Variants in ACR observed in about 807,000 individuals in gnomAD.
ACR encodes the protein acrosin.
ACR carries 17 observed loss-of-function variants against 26.0 expected under a neutral mutation model. The observed-to-expected ratio is 0.65, with a 90% CI of 0.45 to 0.98. The LOEUF (loss-of-function observed/expected upper bound fraction) is 0.98, where lower values mean the gene tolerates loss of function less well. Ranked by LOEUF, ACR falls within the 50% of genes least tolerant of loss-of-function variation. The pLI is 0.00. For synonymous variants in ACR, 199 were observed against 207.7 expected, an observed-to-expected ratio of 0.96 and a Z score of 0.36; for missense variants, 435 against 519.3, an observed-to-expected ratio of 0.84 and a Z score of 1.58.
At chr22:50,741,792 C>G (rs1170186512) in intron 3 of ACR, among the ~76,000 whole-genome samples, 3 of 150,968 alleles carry the variant, frequency 2.0e-5, no homozygotes, top group Admixed American at 2.0e-4. Context: ...GCTTCTTTCC[C>G]ATTGGGTTTT....
In ACR at chr22:50,739,436, A is replaced by G. The variant is rs114634361; in HGVS notation, c.243A>G (p.Arg81=). ...GTGGAGGCAGCTTGCTGAATTCACG[A>G]TGGGTGCTCACTGCTGCTCACTGCT... ...HTCGGSLLNS[R]WVLTAAHCFV... is the part of the protein sequence containing the mutation. Residue 81 remains arginine (R), a synonymous_variant, in exon 2 of 5, where the codon CGA becomes CGG. Coordinates refer to ENST00000216139, the MANE Select transcript of ACR (RefSeq NM_001097.3). The surrounding 1 kb of genome is among the most constrained non-coding windows in gnomAD (Gnocchi z 5.5). The G allele has an allele frequency of 8.7e-6, 14 of 1,614,196 alleles. No individual in the cohort carries two copies. The East Asian group carries it at 1.1e-4, about 13-fold the overall frequency.
chr22:50,743,096 C>CAT lies in ACR; in HGVS notation c.566-965_566-964insAT, dbSNP rs1221851675. ...TGTGGCCCGGGCTGGAGTGCAGTGG[C>CAT]GCCATCTCGGCTCACTGCAAGCTCC... is the stretch of plus-strand genomic sequence containing the variant. On this transcript the variant is annotated intron_variant, in intron 3 of 4. Transcript: ENST00000216139. Among the ~76,000 whole-genome samples the CAT allele has an allele frequency of 9.3e-4, 141 of 151,656 alleles. 1 individual carries two copies. Among genetic ancestry groups the CAT allele is most frequent in the Non-Finnish European group, 1.8e-3 (122 of 67,758 alleles).
chr22:50,740,139 A>G (rs1298916826), intron 3 of ACR, 162 bp downstream of exon 3: 3 of 911,860 alleles, frequency 3.3e-6, no homozygotes, highest in Non-Finnish European at 5.2e-6. Context: ...CCCCTGTGCC[A>G]GGTCACGTGA....
intron 3 of ACR, chr22:50,740,713 C>T: frequency 1.4e-6 from 1 of 702,524 alleles, no homozygotes. Flanking sequence ...TCTCTCTCTC[C>T]CCTGGCTCCC....
Position 50,740,702 on chromosome 22 carries a change from G to T in ACR, c.565+725G>T, listed in dbSNP as rs1204758670. On this transcript the variant is annotated intron_variant, in intron 3 of 4. Coordinates refer to ENST00000216139, the MANE Select transcript of ACR (RefSeq NM_001097.3). ...CTAGAGCTCTGTCCATAACCAAGCT[G>T]TCTCTCTCTCCCCTGGCTCCCAGAA... The T allele has an allele frequency of 4.3e-6, 3 of 702,514 alleles. No homozygotes were observed. In the South Asian group the frequency reaches 4.4e-5, roughly 10 times the overall value. 43.5% of individuals were successfully genotyped at this position (702,514 alleles called of 1,614,324 possible).
chr22:50,744,744 G>A lies in ACR; in HGVS notation c.803G>A (p.Arg268His), dbSNP rs756276159. The A allele has an allele frequency of 3.7e-6, 6 of 1,607,700 alleles. No individual in the cohort carries two copies. The highest frequency in any genetic ancestry group is 1.1e-5 in the South Asian group (1 of 90,676). Residue 268 changes from arginine (R) to histidine (H), a missense_variant, in exon 5 of 5, where the codon CGT (arginine) becomes CAT (histidine). This residue lies in a region of ACR where 314 missense variants were observed against 372.0 expected (regional missense o/e 0.84). Transcript: ENST00000216139. ...GITSWGVGCA[R>H]AKRPGIYTAT... ...ACAAGCTGGGGGGTAGGCTGTGCCC[G>A]TGCCAAGCGCCCCGGAATCTACACG...
At chr22:50,741,314 G>A (rs2083423871) in intron 3 of ACR, among the ~76,000 whole-genome samples, 1 of 152,060 alleles carries the variant, frequency 6.6e-6, no homozygotes, top group Admixed American at 6.5e-5. Context: ...CTTGACACGT[G>A]GCCATCCCCT....
intron 4 of ACR, chr22:50,744,429 G>A (rs1297477607): frequency 3.0e-5 from 20 of 673,378 alleles, no homozygotes; most frequent in South Asian, 9.8e-5. Flanking sequence ...CTGTGGACAC[G>A]TGGGTTTGCT....
At chr22:50,743,259 A>C (rs9616955) in intron 3 of ACR, among the ~76,000 whole-genome samples, 3 of 151,334 alleles carry the variant, frequency 2.0e-5, no homozygotes, top group Admixed American at 6.6e-5. Flanking sequence ...ATGGTCTCGA[A>C]CTCCTGACCT....
intron 3 of ACR, 129 bp from the exon 4 acceptor site, chr22:50,743,932 C>G (rs945364207): frequency 3.9e-6 from 3 of 771,544 alleles, no homozygotes; most frequent in African/African-American, 3.5e-5. Flanking sequence ...AAGGAGGGGT[C>G]GGGGCATCGA....
chr22:50,739,529 G>T lies in ACR; in HGVS notation c.281+55G>T, dbSNP rs531697145. ...TTCAGAACGGCTCTTCTCAGAGAGGGGCGTTCCCCGGGGATGCTGTGCAGC... is the reference window on the plus strand; with the variant it reads ...TTCAGAACGGCTCTTCTCAGAGAGGTGCGTTCCCCGGGGATGCTGTGCAGC... On this transcript the variant is annotated intron_variant, in intron 2 of 4. Coordinates refer to ENST00000216139, the MANE Select transcript of ACR (RefSeq NM_001097.3). The surrounding 1 kb of genome is among the most constrained non-coding windows in gnomAD (Gnocchi z 5.5). 2,891 of 1,604,340 alleles carry T rather than the reference G, an allele frequency of 1.8e-3. 38 individuals carry two copies. The highest frequency in any genetic ancestry group is 0.015 in the South Asian group (1,352 of 90,548).
intron 3 of ACR, among the ~76,000 whole-genome samples, chr22:50,741,453 T>G (rs1024316823): frequency 4.6e-5 from 7 of 151,924 alleles, no homozygotes; most frequent in African/African-American, 1.7e-4. Context: ...TGGGGGTCCC[T>G]ATGTTCCTGG....
At chr22:50,738,903 A>G (rs1196484980) in intron 1 of ACR, among the ~76,000 whole-genome samples, 2 of 151,768 alleles carry the variant, frequency 1.3e-5, no homozygotes, top group East Asian at 3.9e-4. Flanking sequence ...TCTCCCACCC[A>G]AGATTGGTTA....
At chr22:50,740,690 C>T (rs2083421339) in intron 3 of ACR, 2 of 702,556 alleles carry the variant, frequency 2.8e-6, no homozygotes, top group Admixed American at 2.0e-5. Flanking sequence ...GAGCTCTGTC[C>T]ATAACCAAGC....
Position 50,744,211 on chromosome 22 carries a change from C to T in ACR, c.711+5C>T. 1 of 1,611,602 alleles carries T rather than the reference C, an allele frequency of 6.2e-7. No homozygotes were observed. The highest frequency in any genetic ancestry group is 8.5e-7 in the Non-Finnish European group (1 of 1,178,084). ...GGCAAGATCGACACCTGCCAGGTAA[C>T]CTTCCTTCTGGCTTCTGGGCCCCTG... On this transcript the variant is annotated splice_donor_5th_base_variant and intron_variant, in intron 4 of 4. Coordinates refer to ENST00000216139, the MANE Select transcript of ACR (RefSeq NM_001097.3).
chr22:50,743,065 T>C (rs2146855746), intron 3 of ACR, among the ~76,000 whole-genome samples: 1 of 152,110 alleles, frequency 6.6e-6, no homozygotes, highest in Middle Eastern at 3.4e-3. Context: ...AGACGGAGTC[T>C]CGCTCTGTGG....
rs1053953127 is a variant in ACR at position 50,745,315 on chromosome 22, G to T, written c.*108G>T. On this transcript the variant is annotated 3_prime_UTR_variant, in exon 5 of 5. Coordinates refer to ENST00000216139, the MANE Select transcript of ACR (RefSeq NM_001097.3). ...TATAGATATACACACACACATATCT[G>T]TATGTATACATGCATATACATCAAG... The T allele has an allele frequency of 5.7e-6, 7 of 1,227,604 alleles. No individual in the cohort carries two copies. In the Admixed American group the frequency reaches 7.9e-5, roughly 14 times the overall value. The allele number at this position is 1,227,604 out of a possible 1,614,324, so 76.0% of individuals were successfully genotyped here.
In ACR at chr22:50,738,311, G is replaced by GA. The variant is rs753952686; in HGVS notation, c.77dup (p.Asp26GlufsTer70). 1.4e-5 allele frequency: 22 copies of GA among 1,613,852 alleles called. No homozygotes were observed. The Admixed American group carries it at 2.3e-4, about 17-fold the overall frequency. The stretch of plus-strand genomic sequence containing the variant: ...GGTTGCTAAAGATAACGCCACGTGT[G>GA]AGTAAGTGTCGGGGCACCTTGGTGG... On this transcript the variant is annotated frameshift_variant and splice_region_variant, in exon 1 of 5. Transcript: ENST00000216139. LOFTEE classifies it high-confidence loss of function.
Position 50,744,855 on chromosome 22 carries a change from C to G in ACR, c.914C>G (p.Pro305Arg), listed in dbSNP as rs1320079223. 14 of 1,602,420 alleles carry G rather than the reference C, an allele frequency of 8.7e-6. No homozygotes were observed. The highest frequency in any genetic ancestry group is 1.1e-5 in the Non-Finnish European group (13 of 1,175,674). Reference sequence around the variant, plus strand: ...ATTCAATCGGCCACCCCTCCACCTCCCACCACTCGACCGCCCCCGATTCGA... The same window carrying G: ...ATTCAATCGGCCACCCCTCCACCTCGCACCACTCGACCGCCCCCGATTCGA... ...RMIQSATPPP[P>R]TTRPPPIRPP... The change falls in exon 5 of 5, where the codon CCC (proline) becomes CGC (arginine). Residue 305 changes from proline to arginine, a missense_variant. Coordinates refer to ENST00000216139, the MANE Select transcript of ACR (RefSeq NM_001097.3).
Sources: gnomAD v4.1 joint callset for allele counts (sites outside exome capture counted in the v4.1 genomes callset) on GRCh38, gnomAD v4.1.1 for gene constraint, gnomAD v4.1.1 regional missense constraint, Gnocchi (gnomAD v3.1) non-coding constraint, MANE v1.5 for transcripts, NCBI Gene and HGNC (gene_info 2026-07-23, HGNC 2026-07-21) for gene names.